VAV2: variants seen among roughly 807,000 people sequenced by gnomAD.
VAV2 encodes the protein guanine nucleotide exchange factor VAV2.
In VAV2, 67 loss-of-function variants were observed where a neutral mutation model predicts 132.5. The ratio of observed to expected loss-of-function variants is 0.51; its 90% confidence interval spans 0.42 to 0.62. VAV2 has a LOEUF of 0.62. VAV2 is among the 20% of genes least tolerant of loss of function. VAV2 has a pLI of 0.00. For synonymous variants in VAV2, 492 were observed against 443.5 expected (o/e 1.11, Z -1.37); for missense variants, 938 against 1,153.6 (o/e 0.81, Z 2.71).
chr9:133,871,321 G>T (rs975344151), intron 2 of VAV2, among the ~76,000 whole-genome samples: 5 of 151,452 alleles, frequency 3.3e-5, no homozygotes, highest in African/African-American at 1.2e-4. Flanking sequence ...GATGAATTGG[G>T]GGTGGATGGA....
intron 1 of VAV2, among the ~76,000 whole-genome samples, chr9:133,958,689 G>A (rs922274908): frequency 1.3e-5 from 2 of 151,878 alleles, no homozygotes; most frequent in African/African-American, 4.8e-5. Context: ...CAAGTCTCTC[G>A]TTCCACCTTA....
intron 1 of VAV2, among the ~76,000 whole-genome samples, chr9:133,965,602 G>C (rs1008613109): frequency 6.6e-6 from 1 of 150,906 alleles, no homozygotes; most frequent in Non-Finnish European, 1.5e-5. Context: ...CCCTACAAGA[G>C]AAACTGTAAA....
intron 2 of VAV2, among the ~76,000 whole-genome samples, chr9:133,892,264 CG>C (rs1486221879): frequency 2.0e-5 from 3 of 151,382 alleles, no homozygotes; most frequent in Non-Finnish European, 3.0e-5. Context: ...ACAGGTGTCC[CG>C]GGTTGGCTGC....
chr9:133,818,200 T>C (rs897834645), intron 4 of VAV2, among the ~76,000 whole-genome samples: 1 of 150,588 alleles, frequency 6.6e-6, no homozygotes, highest in African/African-American at 2.4e-5. Context: ...CCGTCTCTAC[T>C]AAAAAAATAC....
chr9:133,848,252 C>T (rs1837021982), intron 3 of VAV2, among the ~76,000 whole-genome samples: 1 of 138,832 alleles, frequency 7.2e-6, no homozygotes, highest in African/African-American at 2.7e-5. Context: ...TGCACTCCAG[C>T]CTGGGCGACT....
chr9:133,787,897 G>A (rs997146107), intron 15 of VAV2, among the ~76,000 whole-genome samples: 41 of 151,110 alleles, frequency 2.7e-4, no homozygotes, highest in Non-Finnish European at 4.9e-4. Flanking sequence ...GTAGAGTCTC[G>A]GACAAGCCAC....
At position 133,827,168 on chromosome 9, in the gene VAV2, C is replaced by G. The variant is rs540980828; in HGVS notation, c.449+7104G>C. Among the ~76,000 whole-genome samples the G allele has an allele frequency of 4.2e-4, 64 of 150,734 alleles. 1 individual carries two copies. The highest frequency in any genetic ancestry group is 1.5e-3 in the African/African-American group (61 of 40,634). On this transcript the variant is annotated intron_variant, in intron 4 of 29. Transcript: ENST00000371850. ...CTGGAAGGAAGAAGCCAATGTGCCA[C>G]CTACCGCTGCGCCCACTGGGGCTGA...
Position 133,772,013 on chromosome 9 carries a change from C to T in VAV2, c.2169G>A (p.Val723=), listed in dbSNP as rs753384021. Residue 723 remains valine, a synonymous_variant, in exon 26 of 30, where the codon GTG becomes GTA. Transcript: ENST00000371850. ...TGATGTGGATCCAGTTGTCCTTCTCCACCACCTTGATGTGCTTCACCTCAT... is the reference window on the plus strand; with the variant it reads ...TGATGTGGATCCAGTTGTCCTTCTCTACCACCTTGATGTGCTTCACCTCAT... ...FNDEVKHIKV[V]EKDNWIHITE... The T allele has an allele frequency of 2.7e-6, 4 of 1,507,370 alleles. No individual in the cohort carries two copies. The highest frequency in any genetic ancestry group is 2.2e-5 in the East Asian group (1 of 44,480). 93.4% of individuals were successfully genotyped at this position (1,507,370 alleles called of 1,614,324 possible). A position where few individuals can be genotyped will look rare whatever the true frequency, so the allele number is the denominator to read the frequency against.
rs41302917 is a variant in VAV2, at chr9:133,861,353, A to G, written c.380+21T>C. The G allele has an allele frequency of 1.6e-3, 2,612 of 1,605,358 alleles. 4 individuals are homozygous for G. Among genetic ancestry groups the G allele is most frequent in the Non-Finnish European group, 2.1e-3 (2,459 of 1,175,074 alleles). ...GGAGATGAAAGGACCCGGCCTTGGC[A>G]GCGCACTCCGGAGAGCTCACCTGAT... is the stretch of plus-strand genomic sequence containing the variant. On this transcript the variant is annotated intron_variant, in intron 3 of 29. Transcript: ENST00000371850.
In VAV2 at chr9:133,826,680, G is replaced by A. The variant is rs1331327989; in HGVS notation, c.449+7592C>T. On this transcript the variant is annotated intron_variant, in intron 4 of 29. Transcript: ENST00000371850. This position sits in a 1 kb window ranked among gnomAD's most constrained non-coding sequence, Gnocchi z 4.2. ...TAGGATGAAGCGGTGGCTAAATAAAGCTTGGTCTCATGTCCATGTCCTTCC... is the reference window on the plus strand; with the variant it reads ...TAGGATGAAGCGGTGGCTAAATAAAACTTGGTCTCATGTCCATGTCCTTCC... 1.3e-5 allele frequency among the ~76,000 whole-genome samples: 2 copies of A among 152,190 alleles called. No homozygotes were observed. The highest frequency in any genetic ancestry group is 6.5e-5 in the Admixed American group (1 of 15,292).
intron 23 of VAV2, 104 bp downstream of exon 23, chr9:133,777,285 G>T: frequency 8.5e-7 from 1 of 1,175,152 alleles, no homozygotes; most frequent in Non-Finnish European, 1.2e-6. Context: ...AATTTAGCAA[G>T]GATGTCCTGA....
rs150458130 is a variant in VAV2 at position 133,868,345 on chromosome 9, G to C, written c.322-6913C>G. 3.3e-5 allele frequency among the ~76,000 whole-genome samples: 5 copies of C among 152,340 alleles called. No homozygotes were observed. The East Asian group carries it at 5.8e-4, about 18-fold the overall frequency. On this transcript the variant is annotated intron_variant, in intron 2 of 29. Coordinates refer to ENST00000371850, the MANE Select transcript of VAV2 (RefSeq NM_001134398.2). ...AAATGAGTCTTCTGGTTCTGGCCAG[G>C]AGATGCTCTGCGAATGGGGAAGAGC... is the stretch of plus-strand genomic sequence containing the variant.
At chr9:133,811,233 TG>T (rs1233448579) in intron 5 of VAV2, among the ~76,000 whole-genome samples, 1 of 152,168 alleles carries the variant, frequency 6.6e-6, no homozygotes, top group Non-Finnish European at 1.5e-5. Context: ...TTGGGGGCTG[TG>T]AGACCCCCAG....
At chr9:133,972,608 C>A (rs1413161433) in intron 1 of VAV2, among the ~76,000 whole-genome samples, 1 of 152,236 alleles carries the variant, frequency 6.6e-6, no homozygotes, top group Non-Finnish European at 1.5e-5. Flanking sequence ...GAACTTGTCA[C>A]CCAGAGCATG....
chr9:133,953,392 G>A (rs939798374), intron 1 of VAV2, among the ~76,000 whole-genome samples: 1 of 152,234 alleles, frequency 6.6e-6, no homozygotes, highest in African/African-American at 2.4e-5. Flanking sequence ...GAGAAACTGA[G>A]GCAAGAGTTC....
At chr9:133,903,162 C>T (rs975427652) in intron 2 of VAV2, among the ~76,000 whole-genome samples, 5 of 151,970 alleles carry the variant, frequency 3.3e-5, no homozygotes, top group East Asian at 1.9e-4. Context: ...GAGAAGACGC[C>T]GTCTGCAAGC....
chr9:133,985,111 A>G (rs1380327016), intron 1 of VAV2, among the ~76,000 whole-genome samples: 2 of 152,144 alleles, frequency 1.3e-5, no homozygotes, highest in Admixed American at 1.3e-4. Context: ...AGAGACACAT[A>G]CATAAATAAA....
At chr9:133,951,714 G>C (rs1841566379) in intron 1 of VAV2, among the ~76,000 whole-genome samples, 1 of 152,148 alleles carries the variant, frequency 6.6e-6, no homozygotes, top group South Asian at 2.1e-4. Flanking sequence ...CCTTGTGCTG[G>C]GGACAGGGCT....
intron 29 of VAV2, among the ~76,000 whole-genome samples, chr9:133,766,759 A>AATATATATATAT (rs373267933): frequency 0.048 from 5,372 of 111,374 alleles, 161 homozygotes; most frequent in African/African-American, 0.065. Context: ...AGTATAAATA[A>AATATATATATAT]ATATATATAT....
Sources: gnomAD v4.1 joint callset for allele counts (sites outside exome capture counted in the v4.1 genomes callset) on GRCh38, gnomAD v4.1.1 for gene constraint, Gnocchi (gnomAD v3.1) non-coding constraint, MANE v1.5 for transcripts, NCBI Gene and HGNC (gene_info 2026-07-23, HGNC 2026-07-21) for gene names.